Variants in ASTN2 observed in about 807,000 individuals in gnomAD.
ASTN2 encodes astrotactin-2.
In ASTN2, 54 loss-of-function variants were observed where a neutral mutation model predicts 139.8. The observed-to-expected ratio is 0.39, with a 90% CI of 0.31 to 0.48. The LOEUF (loss-of-function observed/expected upper bound fraction) is 0.48. Among genes scored for constraint, ASTN2 ranks in the 20% least tolerant of loss-of-function variants. The pLI, the probability that ASTN2 is intolerant of heterozygous loss-of-function variation, is 0.95. For missense variants in ASTN2, 1,565 were observed against 1,725.1 expected (o/e 0.91, Z 1.64); for synonymous variants, 756 against 719.5 (o/e 1.05, Z -0.81).
intron 1 of ASTN2, among the ~76,000 whole-genome samples, chr9:117,404,647 G>T (rs1830929304): frequency 6.6e-6 from 1 of 152,168 alleles, no homozygotes; most frequent in Non-Finnish European, 1.5e-5. Flanking sequence ...GGAAAAATTT[G>T]ACAAGGTTGA....
At chr9:116,790,427 C>T (rs1830498788) in intron 13 of ASTN2, among the ~76,000 whole-genome samples, 1 of 152,048 alleles carries the variant, frequency 6.6e-6, no homozygotes. Context: ...GCCCTGGCTT[C>T]CTTACCTCTG....
At chr9:117,245,236 G>A (rs1454671191) in intron 2 of ASTN2, among the ~76,000 whole-genome samples, 8 of 152,188 alleles carry the variant, frequency 5.3e-5, no homozygotes. Flanking sequence ...CCAGTGCTAC[G>A]ATTGTAACCA....
chr9:116,596,475 T>C (rs933575977), intron 19 of ASTN2, among the ~76,000 whole-genome samples: 9 of 152,162 alleles, frequency 5.9e-5, no homozygotes, highest in African/African-American at 2.2e-4. Context: ...CACACATAAA[T>C]GGACAAAATA....
intron 6 of ASTN2, among the ~76,000 whole-genome samples, chr9:117,018,852 G>T (rs1837792592): frequency 6.6e-6 from 1 of 152,110 alleles, no homozygotes; most frequent in Admixed American, 6.6e-5. Flanking sequence ...TACCAGTAGA[G>T]GGTAGGTGTT....
At chr9:116,555,249 C>T (rs774332557) in intron 19 of ASTN2, among the ~76,000 whole-genome samples, 1 of 152,102 alleles carries the variant, frequency 6.6e-6, no homozygotes, top group Non-Finnish European at 1.5e-5. Context: ...AGGCTGAGGG[C>T]CTATGTGTTC....
At chr9:116,727,707 A>G (rs1054580805) in intron 15 of ASTN2, among the ~76,000 whole-genome samples, 4 of 152,188 alleles carry the variant, frequency 2.6e-5, no homozygotes, top group Non-Finnish European at 4.4e-5. Context: ...CCAGGCAGAC[A>G]AAACTGCAAT....
chr9:116,661,751 G>C (rs866570926), intron 16 of ASTN2, among the ~76,000 whole-genome samples: 1 of 152,046 alleles, frequency 6.6e-6, no homozygotes, highest in African/African-American at 2.4e-5. Flanking sequence ...GGCCCTCTTT[G>C]TATAGTTACA....
At chr9:117,291,286 A>T (rs1423353385) in intron 2 of ASTN2, 40 bp downstream of exon 2, 1 of 1,561,052 alleles carries the variant, frequency 6.4e-7, no homozygotes, top group Admixed American at 1.8e-5. Context: ...TTCCTCCCCC[A>T]CGCAATCCCC....
At chr9:116,534,603 T>G (rs1248560926) in intron 19 of ASTN2, among the ~76,000 whole-genome samples, 1 of 152,232 alleles carries the variant, frequency 6.6e-6, no homozygotes, top group African/African-American at 2.4e-5. Flanking sequence ...TATTTCTGCC[T>G]TCATTTCGTT....
At chr9:116,463,263 C>T (rs1848547663) in intron 20 of ASTN2, among the ~76,000 whole-genome samples, 2 of 152,150 alleles carry the variant, frequency 1.3e-5, no homozygotes, top group Non-Finnish European at 2.9e-5. Context: ...CTAATCTGTT[C>T]ATCACACTTC....
intron 11 of ASTN2, among the ~76,000 whole-genome samples, chr9:116,822,196 A>AAC (rs1564286694): frequency 2.1e-5 from 2 of 94,002 alleles, no homozygotes; most frequent in East Asian, 7.7e-4. Flanking sequence ...ACAATAACAA[A>AAC]AAAAAAAAGG....
intron 13 of ASTN2, among the ~76,000 whole-genome samples, chr9:116,783,033 A>G (rs1830260860): frequency 6.6e-6 from 1 of 152,130 alleles, no homozygotes; most frequent in African/African-American, 2.4e-5. Context: ...TATACGCTAA[A>G]CTGGAGAGGA....
chr9:116,818,779 A>G (rs976839150), intron 12 of ASTN2, among the ~76,000 whole-genome samples: 7 of 152,230 alleles, frequency 4.6e-5, no homozygotes, highest in Admixed American at 1.3e-4. Context: ...TCCTTATAAC[A>G]TCTCTATAGA....
chr9:116,622,852 A>G (rs1856234199), intron 17 of ASTN2, among the ~76,000 whole-genome samples: 2 of 152,260 alleles, frequency 1.3e-5, no homozygotes, highest in South Asian at 4.1e-4. Flanking sequence ...AACCTATGCT[A>G]AGAACAAATG....
At chr9:117,105,028 A>G (rs977957780) in intron 4 of ASTN2, among the ~76,000 whole-genome samples, 2 of 152,026 alleles carry the variant, frequency 1.3e-5, no homozygotes, top group African/African-American at 4.8e-5. Context: ...GTCTTCTTGA[A>G]CATCCCACTC....
chr9:117,322,452 C>T (rs1479350512), intron 1 of ASTN2, among the ~76,000 whole-genome samples: 2 of 152,188 alleles, frequency 1.3e-5, no homozygotes, highest in Admixed American at 1.3e-4. Flanking sequence ...ACTACTATTA[C>T]TCCACGTTTC....
At chr9:116,850,083 T>C (rs1051710937) in intron 11 of ASTN2, among the ~76,000 whole-genome samples, 1 of 152,168 alleles carries the variant, frequency 6.6e-6, no homozygotes, top group African/African-American at 2.4e-5. Flanking sequence ...CCAAGTCCAG[T>C]GTTCTGGGGA....
chr9:116,984,348 A>G (rs1333626010), intron 7 of ASTN2, among the ~76,000 whole-genome samples: 3 of 152,228 alleles, frequency 2.0e-5, no homozygotes, highest in African/African-American at 4.8e-5. Context: ...AGTGGTTTTC[A>G]GTTGCCTTCA....
At chr9:117,100,499 T>C (rs889966373) in intron 4 of ASTN2, among the ~76,000 whole-genome samples, 2 of 152,240 alleles carry the variant, frequency 1.3e-5, no homozygotes, top group African/African-American at 2.4e-5. Flanking sequence ...GAAATTAACA[T>C]AAAGTTATTA....
Sources: gnomAD v4.1 joint callset for allele counts (sites outside exome capture counted in the v4.1 genomes callset) on GRCh38, gnomAD v4.1.1 for gene constraint, MANE v1.5 for transcripts, NCBI Gene and HGNC (gene_info 2026-07-23, HGNC 2026-07-21) for gene names.